ANGPT2: variants seen among roughly 807,000 people sequenced by gnomAD.
ANGPT2 encodes angiopoietin 2.
In ANGPT2, 28 loss-of-function variants were observed where a neutral mutation model predicts 62.9. The observed-to-expected ratio is 0.44, with a 90% confidence interval of 0.33 to 0.61. The LOEUF (loss-of-function observed/expected upper bound fraction) is 0.61. ANGPT2 is among the 20% of genes least tolerant of loss of function. The pLI is 0.03. For synonymous variants in ANGPT2, 284 were observed against 207.8 expected (o/e 1.37, Z -3.15); for missense variants, 727 against 594.9 (o/e 1.22, Z -2.31).
chr8:6,556,554 A>G (rs2922893), intron 1 of ANGPT2, among the ~76,000 whole-genome samples: 20,345 of 152,122 alleles, frequency 0.13, 3,769 homozygotes, highest in African/African-American at 0.42. Context: ...CTGCTGCTAC[A>G]CTACACGTTC....
chr8:6,528,148 C>T (rs531646939), intron 2 of ANGPT2, among the ~76,000 whole-genome samples: 6 of 152,248 alleles, frequency 3.9e-5, no homozygotes, highest in South Asian at 4.1e-4. Context: ...TCACCTGCCT[C>T]GGCCTCCCAT....
intron 1 of ANGPT2, among the ~76,000 whole-genome samples, chr8:6,561,562 T>C (rs1336323018): frequency 6.6e-6 from 1 of 152,224 alleles, no homozygotes; most frequent in South Asian, 2.1e-4. Context: ...TCTAGGGTCA[T>C]GCGTCAAATG....
Position 6,519,992 on chromosome 8 carries a change from C to G in ANGPT2, c.800-1G>C. On this transcript the variant is annotated splice_acceptor_variant, in intron 4 of 8. Coordinates refer to ENST00000629816, the MANE Select transcript of ANGPT2 (RefSeq NM_001118887.2). LOFTEE classifies it high-confidence loss of function. ...TCTTTAGCAACAGTGGGGTCCTTAG[C>G]TGCTTTTAAAAAATAGTAAGGCATT... is the stretch of plus-strand genomic sequence containing the variant. The G allele has an allele frequency of 6.2e-7, 1 of 1,613,232 alleles. No individual in the cohort carries two copies. The highest frequency in any genetic ancestry group is 8.5e-7 in the Non-Finnish European group (1 of 1,179,656).
At chr8:6,543,590 G>A (rs527916088) in intron 1 of ANGPT2, among the ~76,000 whole-genome samples, 1 of 152,338 alleles carries the variant, frequency 6.6e-6, no homozygotes, top group East Asian at 1.9e-4. Context: ...TTTCAGAAAA[G>A]AAATGTGTTC....
At chr8:6,559,262 G>C (rs1023703384) in intron 1 of ANGPT2, among the ~76,000 whole-genome samples, 5 of 50,800 alleles carry the variant, frequency 9.8e-5, no homozygotes, top group Non-Finnish European at 1.4e-4. Flanking sequence ...CACACACACA[G>C]AGTCCCTAGC....
At chr8:6,507,267 C>T (rs982257893) in intron 8 of ANGPT2, among the ~76,000 whole-genome samples, 6 of 152,288 alleles carry the variant, frequency 3.9e-5, no homozygotes, top group South Asian at 2.1e-4. Flanking sequence ...TAGTAACTTT[C>T]ATTTATAAAA....
intron 1 of ANGPT2, among the ~76,000 whole-genome samples, chr8:6,546,702 G>T (rs530932528): frequency 6.6e-6 from 1 of 152,298 alleles, no homozygotes; most frequent in East Asian, 1.9e-4. Context: ...GGTCCCATGA[G>T]CTGAGAAAGT....
At position 6,521,280 on chromosome 8, in the gene ANGPT2, T is replaced by G. The variant is rs938509964; in HGVS notation, c.697A>C (p.Lys233Gln). The G allele has an allele frequency of 3.7e-6, 6 of 1,613,968 alleles. No individual in the cohort carries two copies. Among genetic ancestry groups the G allele is most frequent in the Non-Finnish European group, 4.2e-6 (5 of 1,179,948 alleles). ...QNSIIEELEKKIVTATVNNSV... is the reference protein window; with the variant it reads ...QNSIIEELEKQIVTATVNNSV... The stretch of plus-strand genomic sequence containing the variant: ...TTATTCACCGTGGCAGTCACTATTT[T>G]TTTTTCTAGTTCTTCAATGATGGAA... Residue 233 changes from lysine to glutamine, a missense_variant, in exon 4 of 9, where the codon AAA (lysine) becomes CAA (glutamine). By Grantham distance (53) the Lys-to-Gln change is moderately conservative (BLOSUM62 1). Transcript: ENST00000629816.
At position 6,562,552 on chromosome 8, in the gene ANGPT2, CTTTTTTT is replaced by C. The variant is rs55804146; in HGVS notation, c.288+88_288+94del. 1.1e-3 allele frequency: 81 copies of C among 73,836 alleles called. 1 individual carries two copies. The Middle Eastern group carries it at 0.026, about 24-fold the overall frequency. The allele number at this position is 73,836 out of a possible 1,614,324, so 4.6% of individuals were successfully genotyped here. ...AGCTCTAATCCTCTTCATCCTCCTT[CTTTTTTT>C]TTTTTTTTTTTTGGTTGTTAAAACC... On this transcript the variant is annotated intron_variant, in intron 1 of 8. Coordinates refer to ENST00000629816, the MANE Select transcript of ANGPT2 (RefSeq NM_001118887.2).
chr8:6,532,942 G>C (rs965155467), intron 1 of ANGPT2, among the ~76,000 whole-genome samples: 1 of 152,178 alleles, frequency 6.6e-6, no homozygotes, highest in Non-Finnish European at 1.5e-5. Context: ...TCTCCACATA[G>C]ACTTGAGAAG....
chr8:6,523,038 C>A (rs112595419), intron 3 of ANGPT2, among the ~76,000 whole-genome samples: 31 of 151,940 alleles, frequency 2.0e-4, no homozygotes, highest in Non-Finnish European at 4.1e-4. Context: ...CGCTCTGTCA[C>A]CCAGACTGGA....
At chr8:6,510,282 T>G (rs575792960) in intron 7 of ANGPT2, among the ~76,000 whole-genome samples, 1 of 152,216 alleles carries the variant, frequency 6.6e-6, no homozygotes, top group East Asian at 1.9e-4. Context: ...TGTTGGCACG[T>G]TGGGTCCTCA....
rs368790940 is a variant in ANGPT2 at position 6,519,852 on chromosome 8, C to G, written c.927+12G>C. ...GAGCCAGGGAGTTAGTAAGGGGAGA[C>G]GAATACCTCACCTTGATCTCTTCTG... On this transcript the variant is annotated intron_variant, in intron 5 of 8. Coordinates refer to ENST00000629816, the MANE Select transcript of ANGPT2 (RefSeq NM_001118887.2). 8 of 1,613,030 alleles carry G rather than the reference C, an allele frequency of 5.0e-6. No individual in the cohort carries two copies. Among genetic ancestry groups the G allele is most frequent in the Non-Finnish European group, 5.1e-6 (6 of 1,179,364 alleles).
intron 1 of ANGPT2, among the ~76,000 whole-genome samples, chr8:6,557,031 G>A (rs1002793534): frequency 4.6e-5 from 7 of 152,168 alleles, no homozygotes; most frequent in Admixed American, 1.3e-4. Context: ...CCCCACCTAG[G>A]AGGGGTGGGC....
intron 1 of ANGPT2, 87 bp from the exon 2 acceptor site, chr8:6,532,574 TAA>T (rs10662997): frequency 0.014 from 8,112 of 580,750 alleles, no homozygotes; most frequent in South Asian, 0.024. Flanking sequence ...TCCCTATCTT[TAA>T]AAAAAAAAAA....
chr8:6,537,472 G>A (rs1317236597), intron 1 of ANGPT2, among the ~76,000 whole-genome samples: 3 of 151,720 alleles, frequency 2.0e-5, no homozygotes, highest in Non-Finnish European at 2.9e-5. Context: ...AAAGAGTTGC[G>A]CCCCAGACAT....
intron 1 of ANGPT2, 123 bp downstream of exon 1, chr8:6,562,524 T>A (rs1259318580): frequency 1.2e-6 from 1 of 852,166 alleles, no homozygotes; most frequent in Non-Finnish European, 1.6e-6. Context: ...CAACCCGCTC[T>A]CCAGCTCTAA....
At chr8:6,504,191 G>A (rs904837273) in intron 8 of ANGPT2, among the ~76,000 whole-genome samples, 3 of 151,538 alleles carry the variant, frequency 2.0e-5, no homozygotes, top group Non-Finnish European at 4.4e-5. Flanking sequence ...GGTGGCGGAC[G>A]CCTGTAGTCC....
At chr8:6,562,570 T>G (rs973332069) in intron 1 of ANGPT2, 77 bp downstream of exon 1, 4 of 400,274 alleles carry the variant, frequency 1.0e-5, no homozygotes, top group Non-Finnish European at 1.7e-5. Context: ...TTTTTTTTTT[T>G]TGGTTGTTAA....
Sources: allele counts gnomAD v4.1 joint callset (sites outside exome capture counted in the v4.1 genomes callset), GRCh38; gene constraint gnomAD v4.1.1; transcripts MANE v1.5; gene names NCBI Gene and HGNC (gene_info 2026-07-23, HGNC 2026-07-21).